Variants in KHDRBS2 observed in about 807,000 individuals in gnomAD.
KHDRBS2 encodes KH domain-containing, RNA-binding, signal transduction-associated protein 2.
In KHDRBS2, 26 loss-of-function variants were observed where a neutral mutation model predicts 44.3. That is an observed-to-expected ratio of 0.59 (90% CI 0.43 to 0.81). The LOEUF (loss-of-function observed/expected upper bound fraction) is 0.81. Ranked by LOEUF, KHDRBS2 falls within the 40% of genes least tolerant of loss-of-function variation. The pLI, the probability that KHDRBS2 is intolerant of heterozygous loss-of-function variation, is 0.00. For synonymous variants in KHDRBS2, 194 were observed against 151.1 expected, an observed-to-expected ratio of 1.28 and a Z score of -2.08; for missense variants, 476 against 433.1, an observed-to-expected ratio of 1.10 and a Z score of -0.88.
At chr6:61,631,338 GAC>G in the KHDRBS2 span, among the ~76,000 whole-genome samples, 2 of 68,600 alleles carry the variant, frequency 2.9e-5, no homozygotes, top group African/African-American at 1.1e-4. Flanking sequence ...AAAAAAAAAA[GAC>G]AATACAGTGT....
intron 3 of KHDRBS2, among the ~76,000 whole-genome samples, chr6:61,988,839 A>C (rs1347053077): frequency 6.6e-6 from 1 of 152,360 alleles, no homozygotes; most frequent in Admixed American, 6.5e-5. Flanking sequence ...TACACTAACA[A>C]ATAAAAACAG....
At chr6:61,804,502 A>G (rs1206263294) in intron 6 of KHDRBS2, among the ~76,000 whole-genome samples, 1 of 152,084 alleles carries the variant, frequency 6.6e-6, no homozygotes, top group African/African-American at 2.4e-5. Flanking sequence ...TAAGCAATGT[A>G]CCAGTGGGGG....
At chr6:61,653,900 T>C in the KHDRBS2 span, among the ~76,000 whole-genome samples, 1 of 150,968 alleles carries the variant, frequency 6.6e-6, no homozygotes, top group Non-Finnish European at 1.5e-5. Flanking sequence ...AAGATCGCAA[T>C]GTTTCAACAT....
intron 1 of KHDRBS2, among the ~76,000 whole-genome samples, chr6:62,180,837 A>T (rs1822113996): frequency 6.6e-6 from 1 of 151,910 alleles, no homozygotes; most frequent in Non-Finnish European, 1.5e-5. Context: ...TGGCATAAAA[A>T]CAGAAATATA....
chr6:62,213,873 C>CAAAAAAA (rs67482871), intron 1 of KHDRBS2, among the ~76,000 whole-genome samples: 1,309 of 41,542 alleles, frequency 0.032, 175 homozygotes, highest in East Asian at 0.048. Flanking sequence ...GACTCCATCT[C>CAAAAAAA]AAAAAAAAAA....
chr6:61,706,892 G>T (rs188818009), intron 7 of KHDRBS2, among the ~76,000 whole-genome samples: 4 of 151,540 alleles, frequency 2.6e-5, no homozygotes, highest in Admixed American at 2.6e-4. Flanking sequence ...AAGATTATTT[G>T]CCCTCATGGA....
intron 1 of KHDRBS2, among the ~76,000 whole-genome samples, chr6:62,190,147 G>T (rs1824296682): frequency 6.6e-6 from 1 of 152,104 alleles, no homozygotes; most frequent in South Asian, 2.1e-4. Flanking sequence ...TCAGGAAAAT[G>T]TAGATCACAA....
At chr6:61,765,614 G>A (rs1457873461) in intron 6 of KHDRBS2, among the ~76,000 whole-genome samples, 1 of 152,058 alleles carries the variant, frequency 6.6e-6, no homozygotes, top group African/African-American at 2.4e-5. Context: ...AATGATACTA[G>A]CTGTGGGTCT....
rs972726915 is a variant in KHDRBS2 at position 62,232,983 on chromosome 6, A to G, written c.91+52875T>C. 8.5e-5 allele frequency among the ~76,000 whole-genome samples: 13 copies of G among 152,174 alleles called. 1 individual carries two copies. Among genetic ancestry groups the G allele is most frequent in the Admixed American group, 7.2e-4 (11 of 15,280 alleles). On this transcript the variant is annotated intron_variant, in intron 1 of 8. Transcript: ENST00000281156. The stretch of plus-strand genomic sequence containing the variant: ...CAGCTCTGTCACCTCTTACACAAAG[A>G]GAAAGAAATCCATCTTTGAACCACA...
intron 6 of KHDRBS2, among the ~76,000 whole-genome samples, chr6:61,771,881 T>TTGGGGTGC (rs1429695609): frequency 6.6e-6 from 1 of 152,146 alleles, no homozygotes; most frequent in Non-Finnish European, 1.5e-5. Context: ...CAACAGAATA[T>TTGGGGTGC]ACATTCTTTT....
chr6:61,832,519 C>T lies in KHDRBS2; in HGVS notation c.810+62116G>A, dbSNP rs144514422. Among the ~76,000 whole-genome samples, 18 of 152,068 alleles carry T rather than the reference C, an allele frequency of 1.2e-4. No homozygotes were observed. The East Asian group carries it at 3.3e-3, about 28-fold the overall frequency. On this transcript the variant is annotated intron_variant, in intron 6 of 8. Transcript: ENST00000281156. ...CTGCCATTTCTGCCTTGGGAAAGTG[C>T]TGGCTTTATTTTCCTCAAAGGAAAT...
intron 3 of KHDRBS2, among the ~76,000 whole-genome samples, chr6:62,036,856 T>C (rs1328842072): frequency 6.6e-6 from 1 of 152,006 alleles, no homozygotes; most frequent in Non-Finnish European, 1.5e-5. Context: ...ATCTTTAGGT[T>C]TTCTGCCAGC....
intron 6 of KHDRBS2, among the ~76,000 whole-genome samples, chr6:61,865,101 GTGTTTTTCGGCTC>G (rs1797582625): frequency 1.3e-5 from 2 of 152,226 alleles, no homozygotes; most frequent in South Asian, 4.1e-4. Flanking sequence ...TTCTTGTAGT[GTGTTTTTCGGCTC>G]TGTCAGGTCA....
intron 3 of KHDRBS2, among the ~76,000 whole-genome samples, chr6:62,022,952 G>C (rs1263768857): frequency 6.6e-6 from 1 of 151,596 alleles, no homozygotes; most frequent in Non-Finnish European, 1.5e-5. Context: ...GTAGCAAGAA[G>C]CTATCATCTT....
chr6:61,629,118 A>G, the KHDRBS2 span, among the ~76,000 whole-genome samples: 1 of 152,234 alleles, frequency 6.6e-6, no homozygotes, highest in Non-Finnish European at 1.5e-5. Flanking sequence ...AATTACAGAG[A>G]AATTCATTTG....
chr6:61,851,244 C>T (rs1239353144), intron 6 of KHDRBS2, among the ~76,000 whole-genome samples: 7 of 147,406 alleles, frequency 4.7e-5, no homozygotes, highest in South Asian at 2.2e-4. Flanking sequence ...TATGTATATA[C>T]GTGTGTGTAT....
intron 6 of KHDRBS2, among the ~76,000 whole-genome samples, chr6:61,892,968 T>A (rs9363423): frequency 1.3e-5 from 2 of 151,084 alleles, no homozygotes; most frequent in Admixed American, 1.3e-4. Flanking sequence ...AACAGGCAAC[T>A]GACAGAATGG....
At chr6:61,668,232 C>G in the KHDRBS2 span, among the ~76,000 whole-genome samples, 1 of 150,764 alleles carries the variant, frequency 6.6e-6, no homozygotes, top group African/African-American at 2.4e-5. Context: ...CTTTGGTATA[C>G]CTTTGGCATG....
chr6:61,709,729 A>T (rs1044797825), intron 7 of KHDRBS2, among the ~76,000 whole-genome samples: 17 of 151,642 alleles, frequency 1.1e-4, no homozygotes, highest in Non-Finnish European at 2.2e-4. Context: ...CCACTGACTA[A>T]TTAGGCTCAG....
Sources: allele counts gnomAD v4.1 joint callset (sites outside exome capture counted in the v4.1 genomes callset), GRCh38; gene constraint gnomAD v4.1.1; transcripts MANE v1.5; gene names NCBI Gene and HGNC (gene_info 2026-07-23, HGNC 2026-07-21).